The following GAS7 variants were observed in gnomAD, a reference collection of about 807,000 sequenced individuals.
GAS7 encodes growth arrest-specific protein 7.
Under a neutral mutation model 71.1 loss-of-function variants are expected in GAS7, and 28 were observed. The ratio of observed to expected loss-of-function variants is 0.39; its 90% CI spans 0.29 to 0.54. The LOEUF (loss-of-function observed/expected upper bound fraction) is 0.54, where lower values mean the gene tolerates loss of function less well. GAS7 is among the 20% of genes least tolerant of loss of function. The probability of loss-of-function intolerance (pLI) is 0.62; values close to 1 mark genes in which losing one functional copy is unlikely to be tolerated. For synonymous variants in GAS7, 258 were observed against 245.8 expected, an observed-to-expected ratio of 1.05 and a Z score of -0.46; for missense variants, 436 against 627.8, an observed-to-expected ratio of 0.69 and a Z score of 3.27.
chr17:9,985,062 C>T (rs937200700), intron 2 of GAS7, among the ~76,000 whole-genome samples: 15 of 152,162 alleles, frequency 9.9e-5, no homozygotes, highest in African/African-American at 2.7e-4. Context: ...ACAGGGCTCA[C>T]TCACCATCAC....
intron 7 of GAS7, among the ~76,000 whole-genome samples, chr17:9,941,783 A>T (rs1321903835): frequency 6.6e-6 from 1 of 152,180 alleles, no homozygotes; most frequent in East Asian, 1.9e-4. Context: ...GTTTCCCACC[A>T]GTTTAATGGG....
intron 1 of GAS7, among the ~76,000 whole-genome samples, chr17:10,087,840 C>A (rs1042935821): frequency 6.6e-6 from 1 of 152,024 alleles, no homozygotes; most frequent in Non-Finnish European, 1.5e-5. Context: ...TACAAAGTGG[C>A]ATATTTGGAA....
intron 1 of GAS7, among the ~76,000 whole-genome samples, chr17:10,176,035 C>T (rs2074372108): frequency 6.6e-6 from 1 of 152,180 alleles, no homozygotes; most frequent in Non-Finnish European, 1.5e-5. Flanking sequence ...CCTAGGGACC[C>T]CTGAGTCCTG....
intron 1 of GAS7, among the ~76,000 whole-genome samples, chr17:10,023,413 T>C (rs542592315): frequency 1.3e-5 from 2 of 152,244 alleles, no homozygotes; most frequent in East Asian, 3.9e-4. Flanking sequence ...ATATCATTCG[T>C]AATGGCCAAA....
At chr17:10,183,632 G>A (rs1403047365) in intron 1 of GAS7, among the ~76,000 whole-genome samples, 2 of 152,192 alleles carry the variant, frequency 1.3e-5, no homozygotes, top group East Asian at 3.9e-4. Context: ...GAGGTCAGGA[G>A]ATCGAGACCA....
intron 1 of GAS7, among the ~76,000 whole-genome samples, chr17:10,158,336 TAAAAAAAAA>T (rs58514810): frequency 1.2e-5 from 1 of 83,404 alleles, no homozygotes; most frequent in Non-Finnish European, 2.5e-5. Flanking sequence ...CTTTTTTTGG[TAAAAAAAAA>T]AAAAAAAAAA....
chr17:10,120,532 G>A (rs1195260436), intron 1 of GAS7, among the ~76,000 whole-genome samples: 2 of 151,826 alleles, frequency 1.3e-5, no homozygotes, highest in Non-Finnish European at 2.9e-5. Context: ...CCAACATGGC[G>A]AAAACCCCGT....
chr17:10,122,370 C>T (rs1397143260), intron 1 of GAS7, among the ~76,000 whole-genome samples: 2 of 152,202 alleles, frequency 1.3e-5, no homozygotes, highest in East Asian at 1.9e-4. Flanking sequence ...AGATCGAGAC[C>T]CAGACAGCCT....
intron 1 of GAS7, among the ~76,000 whole-genome samples, chr17:10,089,265 C>CA (rs1567586877): frequency 3.3e-5 from 5 of 152,086 alleles, no homozygotes; most frequent in Admixed American, 2.0e-4. Context: ...TAAATGAAGA[C>CA]AAAATAACAG....
intron 1 of GAS7, among the ~76,000 whole-genome samples, chr17:10,182,354 T>A (rs1468756638): frequency 6.6e-6 from 1 of 152,166 alleles, no homozygotes; most frequent in Non-Finnish European, 1.5e-5. Flanking sequence ...GAGATGGGGT[T>A]TCACCATGTT....
chr17:10,168,116 T>G (rs1167384071), intron 1 of GAS7, among the ~76,000 whole-genome samples: 1 of 152,170 alleles, frequency 6.6e-6, no homozygotes, highest in Non-Finnish European at 1.5e-5. Flanking sequence ...ATGGTACTTT[T>G]AATAGCAAAA....
rs374915869 is a variant in GAS7, at chr17:10,076,005, G to A, written c.184-56108C>T. On this transcript the variant is annotated intron_variant, in intron 1 of 13. Coordinates refer to ENST00000432992, the MANE Select transcript of GAS7 (RefSeq NM_201433.2). ...TGATCCCAGCTACTTGGGAGGTTAA[G>A]GCATGAGAATCACTTGAACCCAGGA... Among the ~76,000 whole-genome samples the A allele has an allele frequency of 2.3e-3, 349 of 150,800 alleles. 6 individuals carry two copies. Among genetic ancestry groups the A allele is most frequent in the African/African-American group, 8.3e-3 (338 of 40,904 alleles).
chr17:10,190,545 A>C (rs2074490533), intron 1 of GAS7, among the ~76,000 whole-genome samples: 1 of 149,300 alleles, frequency 6.7e-6, no homozygotes, highest in Non-Finnish European at 1.5e-5. Flanking sequence ...GTGCCTTTAC[A>C]CTCCAGCCTG....
chr17:10,029,671 C>T (rs2072562015), intron 1 of GAS7, among the ~76,000 whole-genome samples: 1 of 151,934 alleles, frequency 6.6e-6, no homozygotes, highest in Non-Finnish European at 1.5e-5. Context: ...CTGCGCAACA[C>T]AGCAACTCCA....
intron 1 of GAS7, among the ~76,000 whole-genome samples, chr17:10,041,384 G>A (rs150665395): frequency 3.7e-4 from 57 of 152,122 alleles, no homozygotes; most frequent in African/African-American, 1.3e-3. Context: ...TCACACAGAC[G>A]AACAGATACA....
chr17:10,193,987 C>A (rs1322311439), intron 1 of GAS7, among the ~76,000 whole-genome samples: 1 of 152,168 alleles, frequency 6.6e-6, no homozygotes, highest in Non-Finnish European at 1.5e-5. Flanking sequence ...CCCACTCTCT[C>A]CCACAGACAC....
chr17:9,998,288 A>T (rs1340398856), intron 2 of GAS7, among the ~76,000 whole-genome samples: 1 of 152,224 alleles, frequency 6.6e-6, no homozygotes, highest in Non-Finnish European at 1.5e-5. Flanking sequence ...ACACATGTTC[A>T]AGACTCTTCT....
chr17:10,093,132 C>T (rs1232800686), intron 1 of GAS7, among the ~76,000 whole-genome samples: 1 of 152,288 alleles, frequency 6.6e-6, no homozygotes. Context: ...GGAAAGGGTT[C>T]GGGAGACTGT....
intron 2 of GAS7, among the ~76,000 whole-genome samples, chr17:9,986,700 C>T (rs1384094980): frequency 2.6e-5 from 4 of 152,212 alleles, no homozygotes; most frequent in Non-Finnish European, 5.9e-5. Context: ...GGTCAACTCC[C>T]AGACCCCCCA....
Sources: allele counts gnomAD v4.1 joint callset (sites outside exome capture counted in the v4.1 genomes callset), GRCh38; gene constraint gnomAD v4.1.1; transcripts MANE v1.5; gene names NCBI Gene and HGNC (gene_info 2026-07-23, HGNC 2026-07-21).